The following EFTUD2 variants were observed in gnomAD, a reference collection of about 807,000 sequenced individuals.
The protein encoded by EFTUD2 is 116 kDa U5 small nuclear ribonucleoprotein component.
EFTUD2 carries 9 observed loss-of-function variants against 114.3 expected under a neutral mutation model. The ratio of observed to expected loss-of-function variants is 0.08; its 90% confidence interval spans 0.05 to 0.14. The LOEUF (loss-of-function observed/expected upper bound fraction) is 0.14, where lower values mean the gene tolerates loss of function less well. Ranked by LOEUF, EFTUD2 falls within the 10% of genes least tolerant of loss-of-function variation. The pLI is 1.00. For missense variants in EFTUD2, 765 were observed against 1,241.2 expected (o/e 0.62, Z 5.76); for synonymous variants, 449 against 462.3 (o/e 0.97, Z 0.37).
At position 44,860,006 on chromosome 17, in the gene EFTUD2, C is replaced by T. The variant is rs1444744104; in HGVS notation, c.1759G>A (p.Val587Ile). 2 of 1,614,206 alleles carry T rather than the reference C, an allele frequency of 1.2e-6. No homozygotes were observed. The highest frequency in any genetic ancestry group is 8.5e-7 in the Non-Finnish European group (1 of 1,180,050). ...ACTGGCTCCACAGCAATCTTGATAA[C>T]AGATGTGGTATTGAACTTCAAGGGT... ...FRPLKFNTTSVIKIAVEPVNP... is the reference protein window; with the variant it reads ...FRPLKFNTTSIIKIAVEPVNP... The change falls in exon 18 of 28, where the codon GTT (valine) becomes ATT (isoleucine). Residue 587 changes from valine to isoleucine, a missense_variant. This residue lies in a region of EFTUD2 where 149 missense variants were observed against 245.1 expected (regional missense o/e 0.61). Coordinates refer to ENST00000426333, the MANE Select transcript of EFTUD2 (RefSeq NM_004247.4).
intron 11 of EFTUD2, among the ~76,000 whole-genome samples, chr17:44,868,921 C>T (rs2050797898): frequency 6.6e-6 from 1 of 152,214 alleles, no homozygotes; most frequent in Admixed American, 6.5e-5. Flanking sequence ...ACTATAACTG[C>T]TAATCCTGGT....
chr17:44,884,500 C>T (rs1445609949), intron 4 of EFTUD2, among the ~76,000 whole-genome samples: 1 of 146,150 alleles, frequency 6.8e-6, no homozygotes, highest in African/African-American at 2.5e-5. Context: ...GCCTGGGCAA[C>T]AGAGTGAGAC....
intron 2 of EFTUD2, among the ~76,000 whole-genome samples, chr17:44,889,811 T>C (rs2051245514): frequency 6.6e-6 from 1 of 152,130 alleles, no homozygotes; most frequent in African/African-American, 2.4e-5. Flanking sequence ...ATCCTACTGG[T>C]GGTGGCTCCA....
chr17:44,893,767 T>TGGGGGGGGGGGGG (rs775875878), intron 2 of EFTUD2, among the ~76,000 whole-genome samples: 1 of 85,474 alleles, frequency 1.2e-5, no homozygotes, highest in African/African-American at 4.6e-5. Context: ...TAAAAAAAGG[T>TGGGGGGGGGGGGG]GGGGGGGGGG....
At position 44,854,388 on chromosome 17, in the gene EFTUD2, C is replaced by T. The variant is rs778352452; in HGVS notation, c.2260-32G>A. On this transcript the variant is annotated intron_variant, in intron 22 of 27. Transcript: ENST00000426333. This position sits in a 1 kb window ranked among gnomAD's most constrained non-coding sequence, Gnocchi z 4.3. ...AGAAACATGAGGCCTCCTTAGCAGT[C>T]GCCCTGGCAACGGCTGAAGCATTTA... 7 of 1,604,018 alleles carry T rather than the reference C, an allele frequency of 4.4e-6. No homozygotes were observed. In the South Asian group the frequency reaches 5.5e-5, roughly 13 times the overall value.
chr17:44,864,831 A>G, intron 14 of EFTUD2, 99 bp downstream of exon 14: 5 of 1,522,432 alleles, frequency 3.3e-6, no homozygotes, highest in Non-Finnish European at 4.4e-6. Context: ...AAAGATCCTC[A>G]GATTTCTGAC....
In EFTUD2 at chr17:44,858,667, A is replaced by C. The variant is rs188710079; in HGVS notation, c.1962+413T>G. ...CACTATGTTGCCCAGATTGGTCTCA[A>C]ACTGGGCTCAAGCAATCCTCTCACC... On this transcript the variant is annotated intron_variant, in intron 19 of 27. Coordinates refer to ENST00000426333, the MANE Select transcript of EFTUD2 (RefSeq NM_004247.4). Among the ~76,000 whole-genome samples the C allele has an allele frequency of 4.6e-5, 7 of 151,450 alleles. No individual in the cohort carries two copies. In the East Asian group the frequency reaches 1.4e-3, roughly 30 times the overall value.
chr17:44,863,608 G>T (rs1246799669), intron 15 of EFTUD2, 47 bp downstream of exon 15: 1 of 1,593,870 alleles, frequency 6.3e-7, no homozygotes, highest in African/African-American at 1.3e-5. Context: ...TCCCCACACA[G>T]GAAGGGGAAA....
intron 16 of EFTUD2, among the ~76,000 whole-genome samples, chr17:44,861,602 G>A (rs147508994): frequency 1.3e-5 from 2 of 151,814 alleles, no homozygotes; most frequent in African/African-American, 2.4e-5. Context: ...GCATGGTGGC[G>A]GGCGCCTGTA....
chr17:44,866,420 A>ATTTTAT (rs1555566287), intron 13 of EFTUD2, among the ~76,000 whole-genome samples: 2 of 151,224 alleles, frequency 1.3e-5, no homozygotes, highest in African/African-American at 2.4e-5. Flanking sequence ...GATTTATTTT[A>ATTTTAT]TTTTTTTTGA....
chr17:44,862,813 C>A lies in EFTUD2; in HGVS notation c.1507G>T (p.Ala503Ser), dbSNP rs748246111. The change falls in exon 16 of 28, where the codon GCT becomes TCT. Residue 503 changes from alanine (A) to serine (S), a missense_variant. Coordinates refer to ENST00000426333, the MANE Select transcript of EFTUD2 (RefSeq NM_004247.4). ...CCCAGTACCTTCACAGGCTGCCCAG[C>A]ATGAATGGTGCCACTCAGCACCCGG... The part of the protein sequence containing the change: ...FGRVLSGTIH[A>S]GQPVKVLGEN... 9.3e-6 allele frequency: 15 copies of A among 1,614,070 alleles called. No homozygotes were observed. Among genetic ancestry groups the A allele is most frequent in the Non-Finnish European group, 1.2e-5 (14 of 1,180,044 alleles).
At chr17:44,865,298 A>G (rs2050725481) in intron 13 of EFTUD2, 1 of 498,800 alleles carries the variant, frequency 2.0e-6, no homozygotes, top group Non-Finnish European at 3.5e-6. Context: ...CCAATAAACC[A>G]AGCACTCAGA....
At position 44,876,064 on chromosome 17, in the gene EFTUD2, C is replaced by A. The variant is rs1567745156; in HGVS notation, c.739G>T (p.Val247Leu). The change falls in exon 10 of 28, where the codon GTG becomes TTG. Residue 247 changes from valine to leucine, a missense_variant. Physicochemically the swap from Val to Leu is conservative, Grantham distance 32. Coordinates refer to ENST00000426333, the MANE Select transcript of EFTUD2 (RefSeq NM_004247.4). The stretch of plus-strand genomic sequence containing the variant: ...ACAGTGACTGCCAGCCTCTCCTGCA[C>A]CGCATGCTTGATCAGCCGCTCTGTG... ...LNTERLIKHA[V>L]QERLAVTVCI... 1.9e-6 allele frequency: 3 copies of A among 1,613,986 alleles called. No homozygotes were observed. Among genetic ancestry groups the A allele is most frequent in the Non-Finnish European group, 2.5e-6 (3 of 1,179,952 alleles).
intron 27 of EFTUD2, 38 bp from the exon 28 acceptor site, chr17:44,851,407 G>T: frequency 6.5e-7 from 1 of 1,530,000 alleles, no homozygotes; most frequent in South Asian, 1.1e-5. Flanking sequence ...AGCCCGAGGT[G>T]GTCGCAGACT....
chr17:44,885,381 T>C (rs773137732), intron 3 of EFTUD2, 47 bp from the exon 4 acceptor site: 18 of 1,288,526 alleles, frequency 1.4e-5, no homozygotes, highest in Middle Eastern at 1.8e-4. Flanking sequence ...GCATAAAACA[T>C]AAAAATACGG....
At chr17:44,886,066 G>A (rs775133824) in intron 3 of EFTUD2, among the ~76,000 whole-genome samples, 15 of 152,032 alleles carry the variant, frequency 9.9e-5, no homozygotes, top group African/African-American at 2.7e-4. Context: ...GTGAAACCCC[G>A]TTTCTACTAA....
At chr17:44,871,705 C>A (rs781207119) in intron 11 of EFTUD2, among the ~76,000 whole-genome samples, 7 of 152,048 alleles carry the variant, frequency 4.6e-5, no homozygotes, top group African/African-American at 7.2e-5. Context: ...GCTAAGAGTG[C>A]GGCAGGACAA....
At chr17:44,877,859 C>A (rs11652831) in intron 9 of EFTUD2, among the ~76,000 whole-genome samples, 1 of 150,458 alleles carries the variant, frequency 6.6e-6, no homozygotes, top group East Asian at 2.0e-4. Context: ...TGGCTGGAAG[C>A]GGTGGCTCAC....
chr17:44,883,203 AT>A (rs2051104437), intron 5 of EFTUD2, 45 bp from the exon 6 acceptor site: 1 of 1,590,026 alleles, frequency 6.3e-7, no homozygotes, highest in African/African-American at 1.3e-5. Context: ...ACAGAGGAAA[AT>A]TTACTGTGCC....
Sources: allele counts gnomAD v4.1 joint callset (sites outside exome capture counted in the v4.1 genomes callset), GRCh38; gene constraint gnomAD v4.1.1; regional missense constraint gnomAD v4.1.1; non-coding constraint Gnocchi (gnomAD v3.1); transcripts MANE v1.5; gene names NCBI Gene and HGNC (gene_info 2026-07-23, HGNC 2026-07-21).